Variants in PPP1R9A observed in about 807,000 individuals in gnomAD.
The protein encoded by PPP1R9A is neurabin-1.
Under a neutral mutation model 141.9 loss-of-function variants are expected in PPP1R9A, and 59 were observed. The ratio of observed to expected loss-of-function variants is 0.42; its 90% confidence interval spans 0.34 to 0.52. The LOEUF is 0.52. Ranked by LOEUF, PPP1R9A falls within the 20% of genes least tolerant of loss-of-function variation. The probability of loss-of-function intolerance (pLI) is 0.10; values close to 1 mark genes in which losing one functional copy is unlikely to be tolerated. For synonymous variants in PPP1R9A, 500 were observed against 569.7 expected (o/e 0.88, Z 1.74); for missense variants, 1,444 against 1,611.9 (o/e 0.90, Z 1.78).
intron 2 of PPP1R9A, among the ~76,000 whole-genome samples, chr7:95,000,622 T>C (rs1802790742): frequency 6.6e-6 from 1 of 152,180 alleles, no homozygotes; most frequent in Non-Finnish European, 1.5e-5. Context: ...TTATCTTATA[T>C]TGATAAAAGA....
At chr7:95,019,948 A>G (rs1406001998) in intron 2 of PPP1R9A, among the ~76,000 whole-genome samples, 1 of 152,152 alleles carries the variant, frequency 6.6e-6, no homozygotes, top group Non-Finnish European at 1.5e-5. Context: ...ACTGGAAACA[A>G]CCCAATATCC....
chr7:95,201,480 T>C (rs1042715984), intron 6 of PPP1R9A, among the ~76,000 whole-genome samples: 2 of 152,144 alleles, frequency 1.3e-5, no homozygotes, highest in Non-Finnish European at 2.9e-5. Flanking sequence ...GAAAATCCAC[T>C]CCAATGTTAA....
At chr7:95,006,700 A>G (rs916578907) in intron 2 of PPP1R9A, among the ~76,000 whole-genome samples, 5 of 152,132 alleles carry the variant, frequency 3.3e-5, no homozygotes, top group Non-Finnish European at 5.9e-5. Flanking sequence ...ACTACATTCT[A>G]ATTATAAAGA....
chr7:95,021,630 T>C (rs954691660), intron 2 of PPP1R9A, among the ~76,000 whole-genome samples: 1 of 152,206 alleles, frequency 6.6e-6, no homozygotes, highest in African/African-American at 2.4e-5. Context: ...TTAATCCATC[T>C]TGAGTTAATG....
intron 2 of PPP1R9A, among the ~76,000 whole-genome samples, chr7:94,981,386 T>G (rs963683670): frequency 2.0e-5 from 3 of 151,940 alleles, no homozygotes; most frequent in African/African-American, 7.3e-5. Context: ...ACTACAGGAG[T>G]GCGCTACCGC....
intron 2 of PPP1R9A, among the ~76,000 whole-genome samples, chr7:95,046,633 A>G (rs1283409991): frequency 6.6e-6 from 1 of 152,162 alleles, no homozygotes; most frequent in Non-Finnish European, 1.5e-5. Flanking sequence ...TGCATGGGTA[A>G]TACTTGGATT....
intron 2 of PPP1R9A, among the ~76,000 whole-genome samples, chr7:94,922,666 A>AT (rs1383936310): frequency 2.0e-5 from 3 of 152,164 alleles, no homozygotes; most frequent in Non-Finnish European, 2.9e-5. Context: ...TTTCTGTCAT[A>AT]TTTTTACTTT....
In PPP1R9A at chr7:95,172,385, G is replaced by A. The variant is rs529675103; in HGVS notation, c.1754+10414G>A. On this transcript the variant is annotated intron_variant, in intron 5 of 19. Transcript: ENST00000433360. Reference sequence around the variant, plus strand: ...AAATCCTAAAGTATCTACAAAAGATGCTACTTGAACTGATAACTGAGTCCA... The same window carrying A: ...AAATCCTAAAGTATCTACAAAAGATACTACTTGAACTGATAACTGAGTCCA... 5.9e-4 allele frequency among the ~76,000 whole-genome samples: 90 copies of A among 151,814 alleles called. 2 individuals are homozygous for A. The South Asian group carries it at 0.019, about 31-fold the overall frequency.
chr7:94,936,999 G>A (rs1794840532), intron 2 of PPP1R9A, among the ~76,000 whole-genome samples: 1 of 151,980 alleles, frequency 6.6e-6, no homozygotes, highest in Non-Finnish European at 1.5e-5. Flanking sequence ...TATGACAGTT[G>A]ACAGGCATGT....
chr7:95,279,021 ATTG>A (rs372607537), intron 16 of PPP1R9A, among the ~76,000 whole-genome samples: 1 of 152,178 alleles, frequency 6.6e-6, no homozygotes, highest in Non-Finnish European at 1.5e-5. Context: ...AAAAATGTCT[ATTG>A]TTATCATTGT....
At chr7:95,182,115 A>T (rs956416879) in intron 5 of PPP1R9A, among the ~76,000 whole-genome samples, 2 of 151,980 alleles carry the variant, frequency 1.3e-5, no homozygotes, top group African/African-American at 4.8e-5. Context: ...CTCACAAATC[A>T]CTAAAGGACT....
intron 4 of PPP1R9A, 63 bp downstream of exon 4, chr7:95,120,895 CA>C (rs1822454085): frequency 6.6e-7 from 1 of 1,512,776 alleles, no homozygotes; most frequent in Non-Finnish European, 8.9e-7. Context: ...AAGTTTCCTT[CA>C]GTTGTAGCTT....
At chr7:95,029,381 A>C (rs1807337071) in intron 2 of PPP1R9A, among the ~76,000 whole-genome samples, 1 of 152,190 alleles carries the variant, frequency 6.6e-6, no homozygotes, top group Admixed American at 6.5e-5. Context: ...TTGGAAGTAG[A>C]CCAGATTTTG....
chr7:95,078,433 A>G (rs1046619764), intron 2 of PPP1R9A, among the ~76,000 whole-genome samples: 4 of 151,696 alleles, frequency 2.6e-5, no homozygotes, highest in Non-Finnish European at 4.4e-5. Context: ...TAGTGCCGCA[A>G]TAAACATACG....
intron 12 of PPP1R9A, among the ~76,000 whole-genome samples, chr7:95,255,586 G>A (rs866641275): frequency 2.6e-5 from 4 of 152,150 alleles, no homozygotes; most frequent in South Asian, 2.1e-4. Context: ...CAGAAAGAAA[G>A]TACTAGGTCC....
rs149794395 is a variant in PPP1R9A, at chr7:94,920,894, G to C, written c.1395+9386G>C. Among the ~76,000 whole-genome samples, 1,195 of 152,282 alleles carry C rather than the reference G, an allele frequency of 7.8e-3. 8 individuals are homozygous for C. Among genetic ancestry groups the C allele is most frequent in the Middle Eastern group, 0.037 (11 of 294 alleles). Reference sequence around the variant, plus strand: ...TGCATGTTGAGTCTGTTGCTGTATAGTAAGATGGTCTTTTCTCTTTTATTC... The same window carrying C: ...TGCATGTTGAGTCTGTTGCTGTATACTAAGATGGTCTTTTCTCTTTTATTC... On this transcript the variant is annotated intron_variant, in intron 2 of 19. Transcript: ENST00000433360.
At chr7:95,113,850 AGG>A (rs1163011314) in intron 3 of PPP1R9A, among the ~76,000 whole-genome samples, 16 of 152,224 alleles carry the variant, frequency 1.1e-4, no homozygotes, top group African/African-American at 3.6e-4. Flanking sequence ...AGGAAAAAAG[AGG>A]TGAAAACTAT....
intron 2 of PPP1R9A, among the ~76,000 whole-genome samples, chr7:94,928,820 G>A (rs1332288092): frequency 6.6e-6 from 1 of 152,014 alleles, no homozygotes; most frequent in Non-Finnish European, 1.5e-5. Context: ...ATTAGATGAG[G>A]GAGATATAGA....
chr7:94,922,327 G>T (rs1386721099), intron 2 of PPP1R9A, among the ~76,000 whole-genome samples: 1 of 151,844 alleles, frequency 6.6e-6, no homozygotes, highest in Non-Finnish European at 1.5e-5. Flanking sequence ...CAGTTTGGTA[G>T]GTGAAAATAA....
Sources: gnomAD v4.1 joint callset for allele counts (sites outside exome capture counted in the v4.1 genomes callset) on GRCh38, gnomAD v4.1.1 for gene constraint, MANE v1.5 for transcripts, NCBI Gene and HGNC (gene_info 2026-07-23, HGNC 2026-07-21) for gene names.